PCDHGB4: variants seen among roughly 807,000 people sequenced by gnomAD.
PCDHGB4 encodes protocadherin gamma-B4.
PCDHGB4 carries 38 observed loss-of-function variants against 60.5 expected under a neutral mutation model. The ratio of observed to expected loss-of-function variants is 0.63; its 90% CI spans 0.48 to 0.82. The LOEUF is 0.82. Among genes scored for constraint, PCDHGB4 ranks in the 40% least tolerant of loss-of-function variants. PCDHGB4 has a pLI of 0.00. For synonymous variants in PCDHGB4, 456 were observed against 509.7 expected (o/e 0.89, Z 1.42); for missense variants, 1,109 against 1,209.6 (o/e 0.92, Z 1.23).
chr5:141,456,285 G>T (rs2098848223), intron 1 of PCDHGB4, among the ~76,000 whole-genome samples: 1 of 152,134 alleles, frequency 6.6e-6, no homozygotes, highest in Non-Finnish European at 1.5e-5. Flanking sequence ...GCTGAAAAGG[G>T]GCGTCTAATG....
At chr5:141,408,303 G>A in intron 1 of PCDHGB4, 3 of 1,613,794 alleles carry the variant, frequency 1.9e-6, no homozygotes, top group Non-Finnish European at 2.5e-6. Flanking sequence ...GAGCCGATCC[G>A]CTACTCGATT....
At chr5:141,413,631 G>A in intron 1 of PCDHGB4, 4 of 1,613,750 alleles carry the variant, frequency 2.5e-6, no homozygotes, top group Admixed American at 1.7e-5. Context: ...ATGTCGCTGC[G>A]GGAATGCGTT....
intron 1 of PCDHGB4, chr5:141,399,816 G>A: frequency 1.2e-6 from 2 of 1,613,196 alleles, no homozygotes; most frequent in Non-Finnish European, 1.7e-6. Context: ...ACCCCGCGCT[G>A]GGTCCCGACG....
chr5:141,445,129 A>G (rs1405841381), intron 1 of PCDHGB4, among the ~76,000 whole-genome samples: 3 of 152,226 alleles, frequency 2.0e-5, no homozygotes, highest in Non-Finnish European at 4.4e-5. Context: ...TATTTTTAAA[A>G]TTGTATCTTC....
chr5:141,494,740 T>C, intron 1 of PCDHGB4, 67 bp from the exon 2 acceptor site: 1 of 1,612,194 alleles, frequency 6.2e-7, no homozygotes, highest in Non-Finnish European at 8.5e-7. Context: ...GGCCCATCCC[T>C]AGGGGCTCGG....
In PCDHGB4 at chr5:141,431,213, TTCCC is replaced by T. The variant is rs1373533151; in HGVS notation, c.2397+40935_2397+40938del. 1 of 1,614,142 alleles carries T rather than the reference TTCCC, an allele frequency of 6.2e-7. No homozygotes were observed. Among genetic ancestry groups the T allele is most frequent in the Admixed American group, 1.7e-5 (1 of 60,020 alleles). On this transcript the variant is annotated intron_variant, in intron 1 of 3. Transcript: ENST00000519479. This position sits in a 1 kb window ranked among gnomAD's most constrained non-coding sequence, Gnocchi z 4.8. ...TGAAAATGCAGCCACTGAGATGCGGTTCCCTCTACCCCACGCCTGGGATCCGGAT... is the reference window on the plus strand; with the variant it reads ...TGAAAATGCAGCCACTGAGATGCGGTTCTACCCCACGCCTGGGATCCGGAT...
chr5:141,420,496 G>T, intron 1 of PCDHGB4: 1 of 495,924 alleles, frequency 2.0e-6, no homozygotes, highest in Non-Finnish European at 3.1e-6. Context: ...GTAATCTCCG[G>T]TGACATTTTT....
chr5:141,510,895 CTGT>C, intron 3 of PCDHGB4, 49 bp from the exon 4 acceptor site: 1 of 1,612,988 alleles, frequency 6.2e-7, no homozygotes, highest in Non-Finnish European at 8.5e-7. Flanking sequence ...AAGACAGTGA[CTGT>C]TGAGGACCCT....
intron 1 of PCDHGB4, among the ~76,000 whole-genome samples, chr5:141,454,626 G>A (rs1206050863): frequency 6.6e-6 from 1 of 151,304 alleles, no homozygotes; most frequent in African/African-American, 2.4e-5. Flanking sequence ...GGCTGGTCTC[G>A]AACCCCCAAC....
intron 1 of PCDHGB4, chr5:141,422,231 T>A: frequency 3.2e-6 from 5 of 1,566,292 alleles, no homozygotes; most frequent in Non-Finnish European, 4.3e-6. Context: ...ACGACGATGT[T>A]GATCACTGTT....
At position 141,470,736 on chromosome 5, in the gene PCDHGB4, C is replaced by T. The variant is rs541510544; in HGVS notation, c.2398-24071C>T. ...TTTTTGAGTCAGGGTCTTGCTCTGT[C>T]GCCCTGGCTGGAGTGCAGTGGACTC... On this transcript the variant is annotated intron_variant, in intron 1 of 3. Coordinates refer to ENST00000519479, the MANE Select transcript of PCDHGB4 (RefSeq NM_003736.4). Among the ~76,000 whole-genome samples, 104 of 152,208 alleles carry T rather than the reference C, an allele frequency of 6.8e-4. 2 individuals carry two copies. Among genetic ancestry groups the T allele is most frequent in the African/African-American group, 2.4e-3 (98 of 41,522 alleles).
intron 2 of PCDHGB4, among the ~76,000 whole-genome samples, chr5:141,500,216 ATTT>A (rs979396489): frequency 3.1e-4 from 46 of 149,244 alleles, no homozygotes; most frequent in Non-Finnish European, 6.7e-4. Context: ...TTATTTATTT[ATTT>A]ATTTATTGAT....
intron 1 of PCDHGB4, among the ~76,000 whole-genome samples, chr5:141,454,596 G>C (rs1184158084): frequency 1.3e-5 from 2 of 151,324 alleles, no homozygotes; most frequent in Non-Finnish European, 2.9e-5. Flanking sequence ...AGTAGAGACA[G>C]GGTTTCTCCA....
At chr5:141,413,986 A>G (rs1464771336) in intron 1 of PCDHGB4, 1 of 1,613,554 alleles carries the variant, frequency 6.2e-7, no homozygotes, top group Admixed American at 1.7e-5. Flanking sequence ...AGTCACAGCC[A>G]CCGACAGGGA....
intron 1 of PCDHGB4, chr5:141,479,660 A>G (rs1206947602): frequency 6.6e-6 from 1 of 152,266 alleles, no homozygotes; most frequent in African/African-American, 2.4e-5. Flanking sequence ...ACAATCCCAG[A>G]AACTACAAAA....
At chr5:141,430,405 A>T (rs1163049877) in intron 1 of PCDHGB4, among the ~76,000 whole-genome samples, 1 of 152,124 alleles carries the variant, frequency 6.6e-6, no homozygotes, top group Non-Finnish European at 1.5e-5. Flanking sequence ...AAGCTCACTA[A>T]AGTTTCTATT....
chr5:141,422,913 G>T, intron 1 of PCDHGB4: 1 of 1,614,248 alleles, frequency 6.2e-7, no homozygotes, highest in Non-Finnish European at 8.5e-7. Context: ...ATGCGCCCGA[G>T]ATCCTGTACC....
chr5:141,393,232 T>TA lies in PCDHGB4; in HGVS notation c.2397+2956dup, dbSNP rs774547937. On this transcript the variant is annotated intron_variant, in intron 1 of 3. Coordinates refer to ENST00000519479, the MANE Select transcript of PCDHGB4 (RefSeq NM_003736.4). The stretch of plus-strand genomic sequence containing the variant: ...AAATTCCAGGTCGAAGATCTAGAAG[T>TA]AAAAATTAACGAAATCGCGGTTCCT... The TA allele has an allele frequency of 5.6e-6, 9 of 1,613,542 alleles. No homozygotes were observed. The African/African-American group carries it at 1.2e-4, about 22-fold the overall frequency.
rs1267722283 is a variant in PCDHGB4 at position 141,493,105 on chromosome 5, G to A, written c.2398-1702G>A. Reference sequence around the variant, plus strand: ...GAGCTTTTATTCAAAATATATCAATGCCTAACTCTGCTCCTAGGACTGTAT... The same window carrying A: ...GAGCTTTTATTCAAAATATATCAATACCTAACTCTGCTCCTAGGACTGTAT... On this transcript the variant is annotated intron_variant, in intron 1 of 3. Coordinates refer to ENST00000519479, the MANE Select transcript of PCDHGB4 (RefSeq NM_003736.4). This position sits in a 1 kb window ranked among gnomAD's most constrained non-coding sequence, Gnocchi z 4.3. Among the ~76,000 whole-genome samples, 1 of 152,076 alleles carries A rather than the reference G, an allele frequency of 6.6e-6. No homozygotes were observed. Among genetic ancestry groups the A allele is most frequent in the Non-Finnish European group, 1.5e-5 (1 of 67,994 alleles).
Sources: allele counts gnomAD v4.1 joint callset (sites outside exome capture counted in the v4.1 genomes callset), GRCh38; gene constraint gnomAD v4.1.1; non-coding constraint Gnocchi (gnomAD v3.1); transcripts MANE v1.5; gene names NCBI Gene and HGNC (gene_info 2026-07-23, HGNC 2026-07-21).